Variants in NYAP2 observed in about 807,000 individuals in gnomAD.
NYAP2 encodes the protein neuronal tyrosine-phosphorylated phosphoinositide-3-kinase adapter 2.
Under a neutral mutation model 50.4 loss-of-function variants are expected in NYAP2, and 23 were observed. The observed-to-expected ratio is 0.46, with a 90% CI of 0.33 to 0.65. NYAP2 has a LOEUF of 0.65. NYAP2 is among the 30% of genes least tolerant of loss of function. NYAP2 has a pLI of 0.02. For synonymous variants in NYAP2, 394 were observed against 365.2 expected, an observed-to-expected ratio of 1.08 and a Z score of -0.90; for missense variants, 885 against 861.0, an observed-to-expected ratio of 1.03 and a Z score of -0.35.
In NYAP2 at chr2:225,508,442, G is replaced by A. The variant is rs370225693; in HGVS notation, c.222-4929G>A. On this transcript the variant is annotated intron_variant, in intron 3 of 6. Coordinates refer to ENST00000636099, the Ensembl canonical transcript of NYAP2. ...CCTGCTTCTTTGGTTTCTGAATGCC[G>A]GAGGAATTGTTCCCAAGTATGTCAG... 3.0e-4 allele frequency among the ~76,000 whole-genome samples: 45 copies of A among 152,262 alleles called. No individual in the cohort carries two copies. In the South Asian group the frequency reaches 7.9e-3, roughly 27 times the overall value.
At chr2:225,419,554 T>C (rs762754339) in intron 3 of NYAP2, among the ~76,000 whole-genome samples, 44 of 152,224 alleles carry the variant, frequency 2.9e-4, no homozygotes, top group Admixed American at 5.2e-4. Context: ...AATGAGTCCC[T>C]TATCTTAAAG....
chr2:225,656,448 G>GCTCCTAACTTCCC (rs779806330), downstream of NYAP2, among the ~76,000 whole-genome samples: 2 of 152,094 alleles, frequency 1.3e-5, no homozygotes, highest in African/African-American at 2.4e-5. Context: ...CTCTCACCAA[G>GCTCCTAACTTCCC]CTCCTAACTT....
chr2:225,520,671 T>A (rs1004884583), intron 4 of NYAP2, among the ~76,000 whole-genome samples: 3 of 152,242 alleles, frequency 2.0e-5, no homozygotes, highest in African/African-American at 7.2e-5. Flanking sequence ...TTTTGGTTAC[T>A]GTAGCCTTGT....
chr2:225,514,462 C>G (rs1690891477), intron 4 of NYAP2, among the ~76,000 whole-genome samples: 1 of 152,170 alleles, frequency 6.6e-6, no homozygotes, highest in African/African-American at 2.4e-5. Context: ...TTATTTCTCA[C>G]AGTTCTGGAG....
At chr2:225,639,743 G>A (rs1191592612) in intron 6 of NYAP2, among the ~76,000 whole-genome samples, 2 of 152,144 alleles carry the variant, frequency 1.3e-5, no homozygotes, top group Admixed American at 6.5e-5. Flanking sequence ...ATGCCAGTGA[G>A]GGAGAGAGCC....
rs375169851 is a variant in NYAP2, at chr2:225,409,074, G to T, written c.194G>T (p.Arg65Leu). ...TATTTGAAAGAGAAGAATGAAAAAC[G>T]CCGAAGACAAGAAGAAGCAATAAAG... The change falls in exon 3 of 7, where the codon CGC becomes CTC. Residue 65 changes from arginine to leucine, a missense_variant. By Grantham distance (102) the Arg-to-Leu change is moderately radical. Coordinates refer to ENST00000636099, the Ensembl canonical transcript of NYAP2. 2.9e-4 allele frequency: 462 copies of T among 1,607,078 alleles called. No homozygotes were observed. The highest frequency in any genetic ancestry group is 3.8e-4 in the Non-Finnish European group (445 of 1,175,884).
intron 3 of NYAP2, among the ~76,000 whole-genome samples, chr2:225,470,791 T>C (rs1284701644): frequency 6.7e-6 from 1 of 149,382 alleles, no homozygotes; most frequent in Non-Finnish European, 1.5e-5. Context: ...AGATCTTACA[T>C]GAAATATATA....
chr2:225,469,619 G>T (rs7425169), intron 3 of NYAP2, among the ~76,000 whole-genome samples: 68,537 of 152,092 alleles, frequency 0.45, 19,046 homozygotes, highest in Non-Finnish European at 0.62. Context: ...ATCAATGATA[G>T]ACTGGATAAA....
chr2:225,568,596 T>C (rs1318780643), intron 4 of NYAP2, among the ~76,000 whole-genome samples: 1 of 152,230 alleles, frequency 6.6e-6, no homozygotes, highest in Non-Finnish European at 1.5e-5. Context: ...GAATCTGTGA[T>C]ATTCTAGTCA....
chr2:225,697,071 A>G, the NYAP2 span, among the ~76,000 whole-genome samples: 4 of 151,926 alleles, frequency 2.6e-5, no homozygotes, highest in East Asian at 7.8e-4. Context: ...AGATTTGTTT[A>G]AACAATTATG....
chr2:225,513,786 C>A, intron 4 of NYAP2, 114 bp downstream of exon 4: 1 of 714,150 alleles, frequency 1.4e-6, no homozygotes, highest in Non-Finnish European at 2.0e-6. Flanking sequence ...TGCCTCTCAC[C>A]CTGAAGTCCC....
At chr2:225,446,246 CTATA>C (rs58633886) in intron 3 of NYAP2, among the ~76,000 whole-genome samples, 1,517 of 81,500 alleles carry the variant, frequency 0.019, 16 homozygotes, top group Middle Eastern at 0.028. Flanking sequence ...CTCTCTCTCT[CTATA>C]TATATATATA....
intron 4 of NYAP2, among the ~76,000 whole-genome samples, chr2:225,567,087 G>C (rs1265492918): frequency 6.6e-6 from 1 of 152,172 alleles, no homozygotes; most frequent in African/African-American, 2.4e-5. Context: ...TAGGCCATAA[G>C]GTAGAGCCTG....
At chr2:225,559,622 G>A (rs945732657) in intron 4 of NYAP2, among the ~76,000 whole-genome samples, 5 of 151,990 alleles carry the variant, frequency 3.3e-5, no homozygotes, top group African/African-American at 1.2e-4. Flanking sequence ...GTTTTTACTG[G>A]AAGTGAGGAG....
intron 3 of NYAP2, among the ~76,000 whole-genome samples, chr2:225,460,755 T>G (rs1412853187): frequency 6.6e-6 from 1 of 152,124 alleles, no homozygotes; most frequent in East Asian, 1.9e-4. Context: ...ATGAATTCAT[T>G]ATACCCATCA....
At chr2:225,689,512 G>A in the NYAP2 span, among the ~76,000 whole-genome samples, 1 of 152,130 alleles carries the variant, frequency 6.6e-6, no homozygotes, top group Non-Finnish European at 1.5e-5. Flanking sequence ...AGGAGTTAAT[G>A]TGTACTCATG....
At chr2:225,503,656 T>A (rs1242204173) in intron 3 of NYAP2, among the ~76,000 whole-genome samples, 1 of 152,208 alleles carries the variant, frequency 6.6e-6, no homozygotes, top group Non-Finnish European at 1.5e-5. Flanking sequence ...GGCAGCAATA[T>A]TAACCTCAAA....
intron 4 of NYAP2, among the ~76,000 whole-genome samples, chr2:225,545,026 A>G (rs1443033462): frequency 6.6e-6 from 1 of 152,048 alleles, no homozygotes; most frequent in Non-Finnish European, 1.5e-5. Context: ...TTTTTGGCCT[A>G]TAAGATTTCA....
intron 5 of NYAP2, among the ~76,000 whole-genome samples, chr2:225,624,344 C>T (rs1486691186): frequency 6.6e-6 from 1 of 152,182 alleles, no homozygotes; most frequent in African/African-American, 2.4e-5. Context: ...CAGGTAAGCA[C>T]ACTAGAAACG....
Sources: allele counts gnomAD v4.1 joint callset (sites outside exome capture counted in the v4.1 genomes callset), GRCh38; gene constraint gnomAD v4.1.1; transcripts MANE v1.5; gene names NCBI Gene and HGNC (gene_info 2026-07-23, HGNC 2026-07-21).